Variants in GPATCH8 observed in about 807,000 individuals in gnomAD.
GPATCH8 encodes the protein G-patch domain containing 8, also known as G patch domain-containing protein 8.
A neutral mutation model predicts 118.3 loss-of-function variants in GPATCH8; 18 were observed. The ratio of observed to expected loss-of-function variants is 0.15; its 90% CI spans 0.11 to 0.23. The LOEUF is 0.23. Among genes scored for constraint, GPATCH8 ranks in the 10% least tolerant of loss-of-function variants. The pLI is 1.00. For synonymous variants in GPATCH8, 659 were observed against 684.7 expected (o/e 0.96, Z 0.59); for missense variants, 1,631 against 1,873.8 (o/e 0.87, Z 2.39).
At position 44,436,821 on chromosome 17, in the gene GPATCH8, T is replaced by C. The variant is rs987173207; in HGVS notation, c.194-276A>G. On this transcript the variant is annotated intron_variant, in intron 3 of 7. Coordinates refer to ENST00000591680, the MANE Select transcript of GPATCH8 (RefSeq NM_001002909.4). ...AGTAATGCAAAGCACTTTTAAGCAA[T>C]GGCATCAGGAGGTTTAAATTGTAAA... 12 of 464,004 alleles carry C rather than the reference T, an allele frequency of 2.6e-5. No individual in the cohort carries two copies. The South Asian group carries it at 2.7e-4, about 10-fold the overall frequency. 28.7% of individuals were successfully genotyped at this position (464,004 alleles called of 1,614,324 possible). A position where few individuals can be genotyped will look rare whatever the true frequency, so the allele number is the denominator to read the frequency against.
intron 5 of GPATCH8, among the ~76,000 whole-genome samples, chr17:44,425,375 A>C (rs2050053957): frequency 6.6e-6 from 1 of 152,260 alleles, no homozygotes; most frequent in African/African-American, 2.4e-5. Context: ...GAGCTACTTA[A>C]TCAGTAAACA....
At chr17:44,428,483 ACTCCAT>A (rs1224219003) in intron 5 of GPATCH8, among the ~76,000 whole-genome samples, 1 of 145,290 alleles carries the variant, frequency 6.9e-6, no homozygotes, top group Non-Finnish European at 1.5e-5. Context: ...ACAGAGTGAG[ACTCCAT>A]CTCAATTAAA....
chr17:44,399,307 T>C lies in GPATCH8; in HGVS notation c.2770A>G (p.Lys924Glu). 6.2e-7 allele frequency: 1 copy of C among 1,614,056 alleles called. No individual in the cohort carries two copies. The highest frequency in any genetic ancestry group is 8.5e-7 in the Non-Finnish European group (1 of 1,179,910). Residue 924 changes from lysine to glutamate, a missense_variant, in exon 8 of 8, where the codon AAA becomes GAA. Physicochemically the swap from Lys to Glu is moderately conservative, Grantham distance 56. Around this residue, in one of 8 missense-constraint regions of GPATCH8, gnomAD observed 922 missense variants for 879.7 expected, o/e 1.05. Transcript: ENST00000591680. ...TCAGAAGATGAATATTTGTGCCGTT[T>C]TGATCGGTGTTTGGAGCTGGCATAG... ...SDYASSKHRS[K>E]RHKYSSSDDD...
rs185294054 is a variant in GPATCH8, at chr17:44,430,742, A to G, written c.348+4323T>C. 6.1e-3 allele frequency among the ~76,000 whole-genome samples: 922 copies of G among 151,848 alleles called. 5 individuals are homozygous for G. Among genetic ancestry groups the G allele is most frequent in the Middle Eastern group, 0.014 (4 of 294 alleles). On this transcript the variant is annotated intron_variant, in intron 5 of 7. Transcript: ENST00000591680. Reference sequence around the variant, plus strand: ...ACTGCAACCTCCGCCTCCTGGGTTCAAGCGATTCTCCTGCCTCAGCCTCCT... The same window carrying G: ...ACTGCAACCTCCGCCTCCTGGGTTCGAGCGATTCTCCTGCCTCAGCCTCCT...
At chr17:44,489,652 T>C (rs568561072) in intron 1 of GPATCH8, among the ~76,000 whole-genome samples, 5 of 152,276 alleles carry the variant, frequency 3.3e-5, no homozygotes, top group Admixed American at 3.3e-4. Context: ...CTTTTGTCCC[T>C]TTTGAATGTT....
At chr17:44,472,035 C>T (rs1461508465) in intron 2 of GPATCH8, among the ~76,000 whole-genome samples, 1 of 151,258 alleles carries the variant, frequency 6.6e-6, no homozygotes, top group African/African-American at 2.4e-5. Flanking sequence ...GATCCTGTGC[C>T]CTACTTCTAC....
At chr17:44,436,698 C>T in intron 3 of GPATCH8, 153 bp from the exon 4 acceptor site, 1 of 695,386 alleles carries the variant, frequency 1.4e-6, no homozygotes, top group Non-Finnish European at 2.7e-6. Flanking sequence ...ACAGCTTACA[C>T]TCAAGACCTT....
Position 44,401,313 on chromosome 17 carries a change from G to C in GPATCH8, c.764C>G (p.Thr255Arg). Residue 255 changes from threonine to arginine, a missense_variant, in exon 8 of 8, where the codon ACA becomes AGA. By Grantham distance (71) the Thr-to-Arg change is moderately conservative. This residue lies in a region of GPATCH8 where 405 missense variants were observed against 462.7 expected (regional missense o/e 0.88). Coordinates refer to ENST00000591680, the MANE Select transcript of GPATCH8 (RefSeq NM_001002909.4). ...ASCGLGSEFSTDKGGPFTAVQ... is the reference protein window; with the variant it reads ...ASCGLGSEFSRDKGGPFTAVQ... ...TGCAGTGAAAGGGCCTCCTTTATCT[G>C]TGGAGAATTCAGATCCCAGGCCACA... 5 of 1,610,586 alleles carry C rather than the reference G, an allele frequency of 3.1e-6. No individual in the cohort carries two copies. Among genetic ancestry groups the C allele is most frequent in the Non-Finnish European group, 2.5e-6 (3 of 1,178,122 alleles).
At chr17:44,428,797 C>A (rs2050184880) in intron 5 of GPATCH8, among the ~76,000 whole-genome samples, 1 of 151,882 alleles carries the variant, frequency 6.6e-6, no homozygotes, top group Non-Finnish European at 1.5e-5. Context: ...GAGATCCTGT[C>A]TGGGTGACAG....
chr17:44,420,619 G>A (rs1002479403), intron 6 of GPATCH8, among the ~76,000 whole-genome samples: 3 of 152,166 alleles, frequency 2.0e-5, no homozygotes, highest in African/African-American at 7.2e-5. Context: ...AGAGAAAAGT[G>A]GTGGGAGAGC....
chr17:44,472,331 T>A (rs1967349912), intron 2 of GPATCH8, among the ~76,000 whole-genome samples: 1 of 152,218 alleles, frequency 6.6e-6, no homozygotes, highest in Non-Finnish European at 1.5e-5. Flanking sequence ...TTAGACTGCC[T>A]TCTGATACTG....
chr17:44,474,021 C>T (rs1465393824), intron 2 of GPATCH8, among the ~76,000 whole-genome samples: 1 of 152,040 alleles, frequency 6.6e-6, no homozygotes, highest in African/African-American at 2.4e-5. Flanking sequence ...ATTAAGATTC[C>T]CTTTTTGACT....
At chr17:44,402,722 C>T (rs1269756219) in intron 7 of GPATCH8, among the ~76,000 whole-genome samples, 1 of 152,182 alleles carries the variant, frequency 6.6e-6, no homozygotes, top group Non-Finnish European at 1.5e-5. Flanking sequence ...CTACTTATGG[C>T]AGTCTGTGGT....
intron 5 of GPATCH8, among the ~76,000 whole-genome samples, chr17:44,427,534 CTA>C (rs1276363052): frequency 6.6e-6 from 1 of 151,842 alleles, no homozygotes; most frequent in African/African-American, 2.4e-5. Context: ...ATACATATAA[CTA>C]TGTATGTTAT....
chr17:44,466,441 G>T (rs1481311625), intron 2 of GPATCH8, among the ~76,000 whole-genome samples: 1 of 152,138 alleles, frequency 6.6e-6, no homozygotes, highest in Non-Finnish European at 1.5e-5. Context: ...TATACCATTT[G>T]AAAGAATTAG....
At position 44,399,879 on chromosome 17, in the gene GPATCH8, G is replaced by C. The variant is rs768840434; in HGVS notation, c.2198C>G (p.Pro733Arg). ...APADSERGPK[P>R]EPPGSGSPAP... ...GGGACTGCCACTCCCAGGGGGTTCT[G>C]GTTTGGGTCCTCGTTCAGAATCTGC... The change falls in exon 8 of 8, where the codon CCA (proline) becomes CGA (arginine). Residue 733 changes from proline (P) to arginine (R), a missense_variant. By Grantham distance (103) the Pro-to-Arg change is moderately radical (BLOSUM62 -2). Around this residue, in one of 8 missense-constraint regions of GPATCH8, gnomAD observed 922 missense variants for 879.7 expected, o/e 1.05. Transcript: ENST00000591680. 1 of 1,613,940 alleles carries C rather than the reference G, an allele frequency of 6.2e-7. No individual in the cohort carries two copies. Among genetic ancestry groups the C allele is most frequent in the South Asian group, 1.1e-5 (1 of 91,054 alleles).
chr17:44,399,707 A>C lies in GPATCH8; in HGVS notation c.2370T>G (p.Leu790=). Residue 790 remains leucine, a synonymous_variant, in exon 8 of 8, where the codon CTT becomes CTG. Coordinates refer to ENST00000591680, the MANE Select transcript of GPATCH8 (RefSeq NM_001002909.4). ...CTCTTCGCTGGCAGGATGAAGGTGG[A>C]AGTTCACCTTTGTGTTTCCTCCCAC... ...DHGGRKHKGE[L]PPSSCQRRAG... is the part of the protein sequence containing the mutation. The C allele has an allele frequency of 6.2e-7, 1 of 1,613,978 alleles. No individual in the cohort carries two copies. Among genetic ancestry groups the C allele is most frequent in the Non-Finnish European group, 8.5e-7 (1 of 1,179,958 alleles).
chr17:44,446,588 T>C (rs1304046123), intron 3 of GPATCH8, among the ~76,000 whole-genome samples: 1 of 151,788 alleles, frequency 6.6e-6, no homozygotes, highest in African/African-American at 2.4e-5. Context: ...GTTAGACAAA[T>C]CTATAAGGTT....
chr17:44,460,957 C>T (rs2144270537), intron 3 of GPATCH8, among the ~76,000 whole-genome samples: 1 of 152,274 alleles, frequency 6.6e-6, no homozygotes, highest in East Asian at 1.9e-4. Flanking sequence ...ACTGCTGAAT[C>T]CGACACTAGG....
Sources: gnomAD v4.1 joint callset for allele counts (sites outside exome capture counted in the v4.1 genomes callset) on GRCh38, gnomAD v4.1.1 for gene constraint, gnomAD v4.1.1 regional missense constraint, MANE v1.5 for transcripts, NCBI Gene and HGNC (gene_info 2026-07-23, HGNC 2026-07-21) for gene names.